The following RPTOR variants were observed in gnomAD, a reference collection of about 807,000 sequenced individuals.
The protein encoded by RPTOR is regulatory associated protein of MTOR complex 1, also known as regulatory-associated protein of mTOR.
A neutral mutation model predicts 169.9 loss-of-function variants in RPTOR; 21 were observed. The observed-to-expected ratio is 0.12, with a 90% CI of 0.09 to 0.18. The LOEUF (loss-of-function observed/expected upper bound fraction) is 0.18. Ranked by LOEUF, RPTOR falls within the 10% of genes least tolerant of loss-of-function variation. The pLI, the probability that RPTOR is intolerant of heterozygous loss-of-function variation, is 1.00. For missense variants in RPTOR, 1,133 were observed against 1,855.9 expected (o/e 0.61, Z 7.16); for synonymous variants, 732 against 753.2 (o/e 0.97, Z 0.46).
intron 17 of RPTOR, among the ~76,000 whole-genome samples, chr17:80,885,605 G>A (rs1355830026): frequency 1.3e-5 from 2 of 151,998 alleles, no homozygotes; most frequent in African/African-American, 4.8e-5. Flanking sequence ...GTGCAGTGGC[G>A]TGATCTTGGC....
rs146394307 is a variant in RPTOR, at chr17:80,904,066, G to A, written c.2402-4745G>A. 8.1e-4 allele frequency among the ~76,000 whole-genome samples: 123 copies of A among 152,336 alleles called. 1 individual carries two copies. The highest frequency in any genetic ancestry group is 1.4e-3 in the Non-Finnish European group (98 of 68,036). ...AATATGCTGAGAAAACGATGCAGAC[G>A]CACCGCCCACCCGGCCCGGGAGGTG... On this transcript the variant is annotated intron_variant, in intron 20 of 33. Transcript: ENST00000306801.
intron 6 of RPTOR, among the ~76,000 whole-genome samples, chr17:80,765,794 G>A (rs781456567): frequency 5.3e-5 from 8 of 152,222 alleles, no homozygotes; most frequent in African/African-American, 1.2e-4. Context: ...AGTCTGTCAC[G>A]TCTAAATAGA....
chr17:80,634,504 ATACTGTGTGTGTGTGCG>A (rs1164031031), intron 2 of RPTOR, among the ~76,000 whole-genome samples: 1 of 66,542 alleles, frequency 1.5e-5, no homozygotes, highest in Non-Finnish European at 2.7e-5. Context: ...GTGTGTGTGC[ATACTGTGTGTGTGTGCG>A]TACTGTGTGC....
intron 13 of RPTOR, chr17:80,858,148 C>A: frequency 3.8e-6 from 2 of 529,196 alleles, no homozygotes; most frequent in Non-Finnish European, 6.9e-6. Flanking sequence ...AGTCCCCCCA[C>A]ACCGTCCTGT....
intron 6 of RPTOR, among the ~76,000 whole-genome samples, chr17:80,761,508 T>C (rs971105856): frequency 6.6e-6 from 1 of 151,956 alleles, no homozygotes; most frequent in Non-Finnish European, 1.5e-5. Flanking sequence ...GGCGCGCAGG[T>C]TGGGTGGAGG....
At chr17:80,648,565 G>C (rs182942778) in intron 3 of RPTOR, among the ~76,000 whole-genome samples, 2 of 152,158 alleles carry the variant, frequency 1.3e-5, no homozygotes, top group Admixed American at 1.3e-4. Flanking sequence ...CAGGCAGCCG[G>C]GTTGGCTTTG....
intron 13 of RPTOR, among the ~76,000 whole-genome samples, chr17:80,862,882 C>G (rs1462083198): frequency 6.6e-6 from 1 of 152,234 alleles, no homozygotes; most frequent in Non-Finnish European, 1.5e-5. Context: ...AAGCCAGCCA[C>G]TCCCCCAGTG....
intron 3 of RPTOR, among the ~76,000 whole-genome samples, chr17:80,661,493 G>A (rs1043998423): frequency 2.6e-5 from 4 of 152,142 alleles, no homozygotes; most frequent in East Asian, 1.9e-4. Context: ...GTGTTGAGCC[G>A]TTGATGGGGG....
intron 13 of RPTOR, among the ~76,000 whole-genome samples, chr17:80,864,051 T>C (rs1436828352): frequency 6.6e-6 from 1 of 152,014 alleles, no homozygotes; most frequent in African/African-American, 2.4e-5. Context: ...TATTTGGGGG[T>C]CCATAAAGGA....
chr17:80,863,850 G>T (rs1290979972), intron 13 of RPTOR, among the ~76,000 whole-genome samples: 1 of 152,200 alleles, frequency 6.6e-6, no homozygotes, highest in Non-Finnish European at 1.5e-5. Context: ...AGCCCGGGAG[G>T]TCGAGGCTGC....
At chr17:80,910,838 A>G (rs1422353523) in intron 21 of RPTOR, among the ~76,000 whole-genome samples, 1 of 107,686 alleles carries the variant, frequency 9.3e-6, no homozygotes, top group South Asian at 3.1e-4. Context: ...GTTCTTCTTC[A>G]GTTCTTTTTT....
At chr17:80,894,997 G>A (rs896753789) in intron 20 of RPTOR, among the ~76,000 whole-genome samples, 6 of 152,338 alleles carry the variant, frequency 3.9e-5, no homozygotes, top group Middle Eastern at 3.4e-3. Flanking sequence ...TATCTTTGAT[G>A]GTCATCTAGG....
chr17:80,760,988 A>G (rs984205036), intron 6 of RPTOR, among the ~76,000 whole-genome samples: 1 of 152,182 alleles, frequency 6.6e-6, no homozygotes, highest in Non-Finnish European at 1.5e-5. Flanking sequence ...ATTGTTCTCT[A>G]ATTTTTTTTC....
intron 5 of RPTOR, among the ~76,000 whole-genome samples, chr17:80,740,722 CAA>C (rs113920656): frequency 1.4e-5 from 2 of 146,862 alleles, no homozygotes; most frequent in African/African-American, 5.0e-5. Flanking sequence ...AGAAAACAAA[CAA>C]AAAAAAAACT....
At chr17:80,897,199 A>G (rs2068417650) in intron 20 of RPTOR, among the ~76,000 whole-genome samples, 1 of 151,712 alleles carries the variant, frequency 6.6e-6, no homozygotes, top group Admixed American at 6.6e-5. Context: ...CAGTGAGCGG[A>G]GATCACACCA....
intron 6 of RPTOR, among the ~76,000 whole-genome samples, chr17:80,774,916 G>A (rs1039688721): frequency 3.9e-5 from 6 of 152,192 alleles, no homozygotes; most frequent in Non-Finnish European, 8.8e-5. Context: ...TAAGCTGCTT[G>A]CTTATATGCA....
intron 3 of RPTOR, among the ~76,000 whole-genome samples, chr17:80,683,283 G>A (rs761903863): frequency 1.5e-4 from 23 of 152,108 alleles, no homozygotes; most frequent in Non-Finnish European, 1.8e-4. Context: ...CTCAGTTTGC[G>A]TTTTCCTCCT....
chr17:80,781,088 AG>A (rs1403242677), intron 6 of RPTOR, among the ~76,000 whole-genome samples: 1 of 152,162 alleles, frequency 6.6e-6, no homozygotes, highest in Non-Finnish European at 1.5e-5. Context: ...TCTCCCCTCC[AG>A]GGCAGGAAGG....
chr17:80,839,663 T>G (rs2067605733), intron 10 of RPTOR, among the ~76,000 whole-genome samples: 1 of 152,198 alleles, frequency 6.6e-6, no homozygotes, highest in Non-Finnish European at 1.5e-5. Flanking sequence ...TCAGAGTGCC[T>G]GCGCTTTTCC....
Sources: allele counts gnomAD v4.1 joint callset (sites outside exome capture counted in the v4.1 genomes callset), GRCh38; gene constraint gnomAD v4.1.1; transcripts MANE v1.5; gene names NCBI Gene and HGNC (gene_info 2026-07-23, HGNC 2026-07-21).